GRID2: variants seen among roughly 807,000 people sequenced by gnomAD.
GRID2 encodes the protein glutamate ionotropic receptor delta type subunit 2.
A neutral mutation model predicts 114.8 loss-of-function variants in GRID2; 33 were observed. The observed-to-expected ratio is 0.29, with a 90% CI of 0.22 to 0.38. The LOEUF (loss-of-function observed/expected upper bound fraction) is 0.38. Ranked by LOEUF, GRID2 falls within the 10% of genes least tolerant of loss-of-function variation. The pLI is 1.00. For synonymous variants in GRID2, 505 were observed against 449.9 expected, an observed-to-expected ratio of 1.12 and a Z score of -1.55; for missense variants, 1,184 against 1,257.7, an observed-to-expected ratio of 0.94 and a Z score of 0.89.
chr4:93,126,689 C>A lies in GRID2; in HGVS notation c.735+15736C>A, dbSNP rs897837144. On this transcript the variant is annotated intron_variant, in intron 4 of 15. Coordinates refer to ENST00000282020, the MANE Select transcript of GRID2 (RefSeq NM_001510.4). ...CTCGGCTCACTGCAAGCTCCGCCTCCCAGGTTCACGCCATTCTCCTGCCTC... is the reference window on the plus strand; with the variant it reads ...CTCGGCTCACTGCAAGCTCCGCCTCACAGGTTCACGCCATTCTCCTGCCTC... 8.9e-5 allele frequency among the ~76,000 whole-genome samples: 13 copies of A among 146,200 alleles called. No individual in the cohort carries two copies. The South Asian group carries it at 2.2e-3, about 25-fold the overall frequency.
At chr4:93,500,226 C>T (rs900467922) in intron 12 of GRID2, among the ~76,000 whole-genome samples, 1 of 151,938 alleles carries the variant, frequency 6.6e-6, no homozygotes, top group African/African-American at 2.4e-5. Flanking sequence ...TTATTATAAA[C>T]CATATTTTCC....
At chr4:93,210,720 T>C (rs1042964744) in intron 5 of GRID2, among the ~76,000 whole-genome samples, 7 of 152,074 alleles carry the variant, frequency 4.6e-5, no homozygotes. Flanking sequence ...ATGTATTTAA[T>C]TGGTAATAAA....
chr4:93,049,402 C>T (rs1004184023), intron 2 of GRID2, among the ~76,000 whole-genome samples: 4 of 151,848 alleles, frequency 2.6e-5, no homozygotes, highest in African/African-American at 9.7e-5. Flanking sequence ...TATGTATTCA[C>T]TTTTGACTCT....
Position 92,443,558 on chromosome 4 carries a change from G to A in GRID2, c.88+138814G>A, listed in dbSNP as rs1399777548. ...GGTTGGGGCACAGAGATAAGAGGTC[G>A]GGACGTGGAAATAAGTGATTGGGGC... On this transcript the variant is annotated intron_variant, in intron 1 of 15. Transcript: ENST00000282020. Among the ~76,000 whole-genome samples the A allele has an allele frequency of 8.6e-5, 13 of 152,020 alleles. No individual in the cohort carries two copies. The South Asian group carries it at 1.0e-3, about 12-fold the overall frequency.
chr4:92,721,121 G>A (rs1490423044), intron 2 of GRID2, among the ~76,000 whole-genome samples: 2 of 152,034 alleles, frequency 1.3e-5, no homozygotes, highest in Admixed American at 6.6e-5. Context: ...ATAGAGACAC[G>A]AGGTAAAATG....
intron 4 of GRID2, among the ~76,000 whole-genome samples, chr4:93,126,399 A>C (rs1475822869): frequency 6.6e-6 from 1 of 151,960 alleles, no homozygotes; most frequent in African/African-American, 2.4e-5. Context: ...CCTAAAACAA[A>C]GTTTCTTGGG....
chr4:92,546,739 G>T (rs186378319), intron 1 of GRID2, among the ~76,000 whole-genome samples: 3 of 152,278 alleles, frequency 2.0e-5, no homozygotes, highest in Admixed American at 2.0e-4. Context: ...TCTGAGATTA[G>T]CTTTAGGATT....
At chr4:93,721,107 T>C (rs1001141447) in intron 14 of GRID2, among the ~76,000 whole-genome samples, 2 of 152,230 alleles carry the variant, frequency 1.3e-5, no homozygotes, top group Non-Finnish European at 2.9e-5. Context: ...AAGAATTTGT[T>C]TTCAATGACT....
At chr4:92,639,207 A>C (rs576772283) in intron 2 of GRID2, among the ~76,000 whole-genome samples, 1 of 151,714 alleles carries the variant, frequency 6.6e-6, no homozygotes, top group Non-Finnish European at 1.5e-5. Context: ...GCCTAACCAA[A>C]ATAGCATATC....
At chr4:92,515,551 G>T (rs62310698) in intron 1 of GRID2, among the ~76,000 whole-genome samples, 32,472 of 151,734 alleles carry the variant, frequency 0.21, 4,201 homozygotes, top group Non-Finnish European at 0.28. Flanking sequence ...AACCAATCAA[G>T]AAGTCCAGTG....
chr4:93,622,461 A>T (rs1247065686), intron 13 of GRID2, among the ~76,000 whole-genome samples: 1 of 152,204 alleles, frequency 6.6e-6, no homozygotes, highest in Non-Finnish European at 1.5e-5. Flanking sequence ...AAACATCATC[A>T]TGCAGTAACT....
intron 2 of GRID2, among the ~76,000 whole-genome samples, chr4:92,933,153 A>G (rs1245450569): frequency 6.7e-6 from 1 of 150,306 alleles, no homozygotes; most frequent in African/African-American, 2.4e-5. Context: ...TATACATTAT[A>G]TATATATACA....
chr4:93,590,487 G>A (rs1192889755), intron 13 of GRID2, among the ~76,000 whole-genome samples: 1 of 150,472 alleles, frequency 6.6e-6, no homozygotes, highest in Non-Finnish European at 1.5e-5. Flanking sequence ...GTCAGGTAGT[G>A]TGATGCCTCC....
At chr4:92,525,705 T>A (rs1162394296) in intron 1 of GRID2, among the ~76,000 whole-genome samples, 3 of 152,004 alleles carry the variant, frequency 2.0e-5, no homozygotes, top group African/African-American at 7.2e-5. Flanking sequence ...AAATTTTGGG[T>A]TGAGCCAGGT....
chr4:92,703,430 G>A (rs555664245), intron 2 of GRID2, among the ~76,000 whole-genome samples: 2 of 152,040 alleles, frequency 1.3e-5, no homozygotes, highest in African/African-American at 4.8e-5. Context: ...CTTTAGAGAA[G>A]GTTCAGTTTA....
chr4:93,483,934 GT>G (rs547730847), intron 11 of GRID2, among the ~76,000 whole-genome samples: 35 of 147,248 alleles, frequency 2.4e-4, no homozygotes, highest in African/African-American at 6.5e-4. Flanking sequence ...GTGAGATTAT[GT>G]TTTTTTTTTA....
At chr4:92,496,833 G>A (rs1053472237) in intron 1 of GRID2, among the ~76,000 whole-genome samples, 1 of 151,496 alleles carries the variant, frequency 6.6e-6, no homozygotes, top group Non-Finnish European at 1.5e-5. Flanking sequence ...AGACATGTTT[G>A]TTAAAAGATC....
chr4:93,154,715 T>C (rs535630299), intron 4 of GRID2, among the ~76,000 whole-genome samples: 1 of 151,728 alleles, frequency 6.6e-6, no homozygotes, highest in South Asian at 2.1e-4. Context: ...GAAACCTCAT[T>C]ATCTTCTCTC....
chr4:93,276,387 C>T (rs1752061985), intron 8 of GRID2, among the ~76,000 whole-genome samples: 1 of 151,926 alleles, frequency 6.6e-6, no homozygotes, highest in Non-Finnish European at 1.5e-5. Context: ...TGTGTGAGTC[C>T]TCCAGTTTTG....
Sources: allele counts gnomAD v4.1 joint callset (sites outside exome capture counted in the v4.1 genomes callset), GRCh38; gene constraint gnomAD v4.1.1; transcripts MANE v1.5; gene names NCBI Gene and HGNC (gene_info 2026-07-23, HGNC 2026-07-21).